FSTL4: variants seen among roughly 807,000 people sequenced by gnomAD.
The protein encoded by FSTL4 is follistatin like 4.
In FSTL4, 28 loss-of-function variants were observed where a neutral mutation model predicts 78.2. The ratio of observed to expected loss-of-function variants is 0.36; its 90% CI spans 0.27 to 0.49. FSTL4 has a LOEUF of 0.49. Ranked by LOEUF, FSTL4 falls within the 20% of genes least tolerant of loss-of-function variation. FSTL4 has a pLI of 0.98. For missense variants in FSTL4, 922 were observed against 1,084.9 expected (o/e 0.85, Z 2.11); for synonymous variants, 422 against 440.5 (o/e 0.96, Z 0.53).
the FSTL4 span, among the ~76,000 whole-genome samples, chr5:133,744,117 AT>A: frequency 2.0e-5 from 3 of 152,092 alleles, no homozygotes; most frequent in Non-Finnish European, 4.4e-5. Flanking sequence ...GAACCAGCAC[AT>A]TTCCTTCATG....
At chr5:133,625,607 T>C in the FSTL4 span, among the ~76,000 whole-genome samples, 2 of 148,976 alleles carry the variant, frequency 1.3e-5, no homozygotes, top group African/African-American at 4.9e-5. Context: ...TTGTTTTCAA[T>C]GTCATCAATT....
intron 4 of FSTL4, among the ~76,000 whole-genome samples, chr5:133,331,496 G>C (rs1754345971): frequency 6.6e-6 from 1 of 152,164 alleles, no homozygotes. Flanking sequence ...CTGCGGAAGG[G>C]GCTCCTGGGG....
chr5:133,692,177 G>A, the FSTL4 span, among the ~76,000 whole-genome samples: 4 of 152,192 alleles, frequency 2.6e-5, no homozygotes, highest in Admixed American at 6.5e-5. Flanking sequence ...TAAGAGGGCA[G>A]AGTCCTATTG....
At chr5:133,714,910 G>A in the FSTL4 span, among the ~76,000 whole-genome samples, 1 of 152,238 alleles carries the variant, frequency 6.6e-6, no homozygotes, top group Non-Finnish European at 1.5e-5. Context: ...CCAGAAATGA[G>A]ACTTATGCAC....
the FSTL4 span, among the ~76,000 whole-genome samples, chr5:133,795,416 T>G: frequency 6.6e-6 from 1 of 152,202 alleles, no homozygotes; most frequent in Non-Finnish European, 1.5e-5. Context: ...GCTGTTAGCA[T>G]GAGAATATAA....
At chr5:133,616,256 A>G (rs13356758), upstream of FSTL4, among the ~76,000 whole-genome samples, 1,818 of 151,982 alleles carry the variant, frequency 0.012, 33 homozygotes, top group African/African-American at 0.041. Context: ...AATTTTTATC[A>G]TGACCCTGTT....
At chr5:133,331,926 G>C (rs1339945660) in intron 4 of FSTL4, among the ~76,000 whole-genome samples, 1 of 152,234 alleles carries the variant, frequency 6.6e-6, no homozygotes, top group Admixed American at 6.5e-5. Context: ...GCAGCCCGTG[G>C]AGGGAGCTGC....
intron 4 of FSTL4, among the ~76,000 whole-genome samples, chr5:133,382,855 G>A (rs1163018466): frequency 6.6e-6 from 1 of 152,214 alleles, no homozygotes; most frequent in Middle Eastern, 3.4e-3. Context: ...GGGAGGGCAC[G>A]GAAAGGGAAA....
intron 4 of FSTL4, among the ~76,000 whole-genome samples, chr5:133,330,493 G>C (rs955710432): frequency 6.6e-6 from 1 of 152,144 alleles, no homozygotes; most frequent in Non-Finnish European, 1.5e-5. Flanking sequence ...ACTCACTACC[G>C]TGAGGACAGC....
intron 4 of FSTL4, among the ~76,000 whole-genome samples, chr5:133,373,135 G>C (rs1276647310): frequency 6.6e-6 from 1 of 152,188 alleles, no homozygotes; most frequent in Non-Finnish European, 1.5e-5. Flanking sequence ...ACCCCAAAAA[G>C]GTGGAATAAA....
chr5:133,205,162 C>T (rs1035693055), intron 14 of FSTL4, among the ~76,000 whole-genome samples: 18 of 151,880 alleles, frequency 1.2e-4, no homozygotes, highest in African/African-American at 4.4e-4. Flanking sequence ...AAAGAATTTC[C>T]TTCTATTCCT....
intron 4 of FSTL4, among the ~76,000 whole-genome samples, chr5:133,348,153 C>T (rs1182481369): frequency 6.6e-6 from 1 of 152,200 alleles, no homozygotes; most frequent in Non-Finnish European, 1.5e-5. Context: ...ATAAAGGTAT[C>T]AAACTCTTGG....
At chr5:133,434,965 G>A (rs894807415) in intron 3 of FSTL4, among the ~76,000 whole-genome samples, 11 of 152,082 alleles carry the variant, frequency 7.2e-5, no homozygotes, top group Admixed American at 5.2e-4. Flanking sequence ...ACTTTTCTAT[G>A]TGGATGGTCA....
At chr5:133,268,546 G>A (rs768738953) in intron 6 of FSTL4, among the ~76,000 whole-genome samples, 9 of 152,168 alleles carry the variant, frequency 5.9e-5, no homozygotes, top group Non-Finnish European at 8.8e-5. Flanking sequence ...GTGGAGGCCC[G>A]GCTCATTTGT....
the FSTL4 span, among the ~76,000 whole-genome samples, chr5:133,628,310 A>C: frequency 6.6e-6 from 1 of 152,082 alleles, no homozygotes; most frequent in East Asian, 1.9e-4. Context: ...CTTCAAAAAA[A>C]TCAGTGCATC....
chr5:133,429,835 C>T (rs1173965118), intron 3 of FSTL4, among the ~76,000 whole-genome samples: 2 of 152,148 alleles, frequency 1.3e-5, no homozygotes, highest in African/African-American at 4.8e-5. Context: ...CAGCTCACTC[C>T]ACCTCAAGAT....
chr5:133,681,111 A>G, the FSTL4 span, among the ~76,000 whole-genome samples: 1 of 152,216 alleles, frequency 6.6e-6, no homozygotes, highest in Non-Finnish European at 1.5e-5. Context: ...GCAGTGCAGC[A>G]CCAATCTCCT....
At chr5:133,811,989 T>A in the FSTL4 span, among the ~76,000 whole-genome samples, 26 of 152,174 alleles carry the variant, frequency 1.7e-4, no homozygotes, top group African/African-American at 6.3e-4. Flanking sequence ...TGTTGCAGAA[T>A]TCATTTCCCC....
At chr5:133,753,683 CTGTG>C in the FSTL4 span, among the ~76,000 whole-genome samples, 3,075 of 120,616 alleles carry the variant, frequency 0.025, 129 homozygotes, top group African/African-American at 0.085. Context: ...CACATTTGTT[CTGTG>C]TGTGTGTGTG....
Sources: gnomAD v4.1 joint callset for allele counts (sites outside exome capture counted in the v4.1 genomes callset) on GRCh38, gnomAD v4.1.1 for gene constraint, MANE v1.5 for transcripts, NCBI Gene and HGNC (gene_info 2026-07-23, HGNC 2026-07-21) for gene names.